Variants in ARNT2 observed in about 807,000 individuals in gnomAD.
ARNT2 encodes aryl hydrocarbon receptor nuclear translocator 2.
In ARNT2, 36 loss-of-function variants were observed where a neutral mutation model predicts 91.7. The ratio of observed to expected loss-of-function variants is 0.39; its 90% CI spans 0.30 to 0.52. ARNT2 has a LOEUF of 0.52. Ranked by LOEUF, ARNT2 falls within the 20% of genes least tolerant of loss-of-function variation. The pLI is 0.72. For synonymous variants in ARNT2, 365 were observed against 347.1 expected, an observed-to-expected ratio of 1.05 and a Z score of -0.57; for missense variants, 775 against 939.3, an observed-to-expected ratio of 0.83 and a Z score of 2.29.
In ARNT2 at chr15:80,554,203, G is replaced by GT. The variant is rs563116587; in HGVS notation, c.1090-860dup. ...GCAGGTGGATCACTTGAGGTCAGGA[G>GT]TTAGAGACCAGCCTGACCAACATGG... On this transcript the variant is annotated intron_variant, in intron 10 of 18. Transcript: ENST00000303329. 7.2e-4 allele frequency among the ~76,000 whole-genome samples: 110 copies of GT among 152,314 alleles called. 1 individual carries two copies. Among genetic ancestry groups the GT allele is most frequent in the African/African-American group, 2.4e-3 (98 of 41,570 alleles).
chr15:80,565,116 G>T lies in ARNT2; in HGVS notation c.1316+1877G>T, dbSNP rs530022206. Among the ~76,000 whole-genome samples, 28 of 152,064 alleles carry T rather than the reference G, an allele frequency of 1.8e-4. No individual in the cohort carries two copies. The South Asian group carries it at 5.8e-3, about 32-fold the overall frequency. The stretch of plus-strand genomic sequence containing the variant: ...TTTTTTGTATTTTTAGCAGAGATGG[G>T]GTTTTGCCATGTTGCCCAGGTTGGT... On this transcript the variant is annotated intron_variant, in intron 12 of 18. Coordinates refer to ENST00000303329, the MANE Select transcript of ARNT2 (RefSeq NM_014862.4).
In ARNT2 at chr15:80,558,911, GC is replaced by G. The variant is rs1898258873; in HGVS notation, c.1164+3773del. Among the ~76,000 whole-genome samples the G allele has an allele frequency of 2.0e-5, 3 of 152,216 alleles. No individual in the cohort carries two copies. In the South Asian group the frequency reaches 6.2e-4, roughly 32 times the overall value. ...ATTTTTGTGGGTTAATGGAAATGGA[GC>G]TTTAACAGTGGTGGGGGCCTCCATT... is the stretch of plus-strand genomic sequence containing the variant. On this transcript the variant is annotated intron_variant, in intron 11 of 18. Transcript: ENST00000303329.
chr15:80,431,434 T>G (rs1328848238), intron 1 of ARNT2, among the ~76,000 whole-genome samples: 1 of 152,174 alleles, frequency 6.6e-6, no homozygotes, highest in African/African-American at 2.4e-5. Flanking sequence ...CTGAAATCCC[T>G]TTTGCTCCTT....
At chr15:80,511,044 A>C (rs1408806794) in intron 6 of ARNT2, among the ~76,000 whole-genome samples, 1 of 152,178 alleles carries the variant, frequency 6.6e-6, no homozygotes, top group Non-Finnish European at 1.5e-5. Context: ...CCAAAGAACT[A>C]TAAATCATTC....
At chr15:80,412,848 G>A (rs936956775) in intron 1 of ARNT2, among the ~76,000 whole-genome samples, 3 of 152,182 alleles carry the variant, frequency 2.0e-5, no homozygotes, top group African/African-American at 7.2e-5. Flanking sequence ...GTCCACAAAG[G>A]TTAGAACAGA....
intron 3 of ARNT2, among the ~76,000 whole-genome samples, chr15:80,465,829 A>T (rs897775188): frequency 6.6e-6 from 1 of 152,070 alleles, no homozygotes; most frequent in Non-Finnish European, 1.5e-5. Flanking sequence ...ATTTCCTGGG[A>T]CTTTTTCACA....
chr15:80,531,936 G>A (rs1158658796), intron 8 of ARNT2, among the ~76,000 whole-genome samples: 2 of 152,144 alleles, frequency 1.3e-5, no homozygotes, highest in East Asian at 1.9e-4. Flanking sequence ...CGCAAAGGAC[G>A]CCTGCAGCAG....
At chr15:80,472,482 A>G (rs1896745276) in intron 4 of ARNT2, among the ~76,000 whole-genome samples, 1 of 152,238 alleles carries the variant, frequency 6.6e-6, no homozygotes, top group Non-Finnish European at 1.5e-5. Flanking sequence ...TTTAAAAAGA[A>G]TAAGGGATGA....
At chr15:80,465,893 C>T (rs1418072943) in intron 3 of ARNT2, among the ~76,000 whole-genome samples, 1 of 151,768 alleles carries the variant, frequency 6.6e-6, no homozygotes, top group East Asian at 1.9e-4. Context: ...TTTTAGTGTA[C>T]AAGGAAACCA....
At chr15:80,590,200 G>A (rs943964240) in intron 17 of ARNT2, among the ~76,000 whole-genome samples, 4 of 152,182 alleles carry the variant, frequency 2.6e-5, no homozygotes, top group Non-Finnish European at 5.9e-5. Context: ...GTTGGAAAGA[G>A]TAGTATGGGA....
rs116811981 is a variant in ARNT2, at chr15:80,584,933, G to A, written c.1918+3529G>A. On this transcript the variant is annotated intron_variant, in intron 17 of 18. Transcript: ENST00000303329. The stretch of plus-strand genomic sequence containing the variant: ...CAGTGGTGGACCAGGGGCAGACATC[G>A]AGTTGTGACAAGCATAGCATGTCAC... 4.3e-3 allele frequency among the ~76,000 whole-genome samples: 651 copies of A among 152,336 alleles called. 7 individuals are homozygous for A. The highest frequency in any genetic ancestry group is 0.015 in the African/African-American group (621 of 41,572).
intron 12 of ARNT2, among the ~76,000 whole-genome samples, chr15:80,572,824 G>A (rs1224065695): frequency 1.3e-5 from 2 of 152,196 alleles, no homozygotes; most frequent in African/African-American, 4.8e-5. Context: ...AATATATTGT[G>A]CTGCACTTGA....
intron 3 of ARNT2, among the ~76,000 whole-genome samples, chr15:80,460,928 A>T (rs960941857): frequency 5.9e-5 from 9 of 152,276 alleles, no homozygotes; most frequent in African/African-American, 1.9e-4. Context: ...GGGAGTACTC[A>T]TGCTCCAAGG....
chr15:80,508,021 C>G, intron 5 of ARNT2, 135 bp from the exon 6 acceptor site: 1 of 757,672 alleles, frequency 1.3e-6, no homozygotes, highest in Admixed American at 2.4e-5. Context: ...TTGGGAATTC[C>G]AAGACACAAA....
chr15:80,588,359 C>G (rs1202140607), intron 17 of ARNT2, among the ~76,000 whole-genome samples: 1 of 152,030 alleles, frequency 6.6e-6, no homozygotes, highest in Non-Finnish European at 1.5e-5. Context: ...ACAGCAGCCT[C>G]CTCCCCTCTG....
chr15:80,562,237 T>C (rs1416210491), intron 11 of ARNT2, among the ~76,000 whole-genome samples: 3 of 152,054 alleles, frequency 2.0e-5, no homozygotes, highest in Admixed American at 2.0e-4. Context: ...CTGGCTGGTT[T>C]TCGTATTTTT....
Position 80,470,424 on chromosome 15 carries a change from C to A in ARNT2, c.401C>A (p.Thr134Lys). The A allele has an allele frequency of 6.2e-7, 1 of 1,614,150 alleles. No individual in the cohort carries two copies. The highest frequency in any genetic ancestry group is 1.7e-5 in the Admixed American group (1 of 60,024). ...GGCGCGTACAAGCCTTCCTTCCTCA[C>A]AGAGCAGGTACCCTGGTCATCACAT... ...TDGAYKPSFL[T>K]EQELKHLILE... The change falls in exon 4 of 19, where the codon ACA (threonine) becomes AAA (lysine). Residue 134 changes from threonine (T) to lysine (K), a missense_variant. This residue lies in a region of ARNT2 where 83 missense variants were observed against 149.4 expected (regional missense o/e 0.56). Coordinates refer to ENST00000303329, the MANE Select transcript of ARNT2 (RefSeq NM_014862.4).
chr15:80,457,279 T>C (rs1415158602), intron 2 of ARNT2, among the ~76,000 whole-genome samples: 1 of 152,240 alleles, frequency 6.6e-6, no homozygotes, highest in Non-Finnish European at 1.5e-5. Context: ...CAAGCACAGC[T>C]GATTTGAGTA....
intron 12 of ARNT2, among the ~76,000 whole-genome samples, chr15:80,572,321 T>G (rs1304779765): frequency 6.6e-6 from 1 of 152,088 alleles, no homozygotes; most frequent in African/African-American, 2.4e-5. Flanking sequence ...GTGCTTTTGC[T>G]GATAGTTACA....
Sources: gnomAD v4.1 joint callset for allele counts (sites outside exome capture counted in the v4.1 genomes callset) on GRCh38, gnomAD v4.1.1 for gene constraint, gnomAD v4.1.1 regional missense constraint, MANE v1.5 for transcripts, NCBI Gene and HGNC (gene_info 2026-07-23, HGNC 2026-07-21) for gene names.